Variants in PDE4B observed in about 807,000 individuals in gnomAD.
The protein encoded by PDE4B is 3',5'-cyclic-AMP phosphodiesterase 4B.
Under a neutral mutation model 82.2 loss-of-function variants are expected in PDE4B, and 20 were observed. The ratio of observed to expected loss-of-function variants is 0.24; its 90% confidence interval spans 0.17 to 0.35. The LOEUF is 0.35. PDE4B is among the 10% of genes least tolerant of loss of function. PDE4B has a pLI of 1.00. For synonymous variants in PDE4B, 320 were observed against 318.9 expected (o/e 1.00, Z -0.04); for missense variants, 655 against 907.2 (o/e 0.72, Z 3.57).
chr1:65,877,337 C>T (rs143006287), intron 1 of PDE4B, among the ~76,000 whole-genome samples: 1,855 of 152,070 alleles, frequency 0.012, 37 homozygotes, highest in African/African-American at 0.039. Context: ...TGCTGGGGGC[C>T]GGGTGCAGTG....
chr1:66,368,374 C>T (rs999230492), intron 15 of PDE4B, among the ~76,000 whole-genome samples: 2 of 152,208 alleles, frequency 1.3e-5, no homozygotes, highest in African/African-American at 4.8e-5. Context: ...ATCCCATTGA[C>T]TTGAAGTTTG....
In PDE4B at chr1:66,029,011, C is replaced by T. The variant is rs534488505; in HGVS notation, c.281+110176C>T. ...ACATTTTCAGATATCTTTTCAGCAACGCCCCACTCTACTGGTACCAATTTA... is the reference window on the plus strand; with the variant it reads ...ACATTTTCAGATATCTTTTCAGCAATGCCCCACTCTACTGGTACCAATTTA... On this transcript the variant is annotated intron_variant, in intron 3 of 16. Coordinates refer to ENST00000341517, the MANE Select transcript of PDE4B (RefSeq NM_002600.4). 1.9e-4 allele frequency among the ~76,000 whole-genome samples: 29 copies of T among 152,288 alleles called. No individual in the cohort carries two copies. In the South Asian group the frequency reaches 4.8e-3, roughly 25 times the overall value.
chr1:65,985,787 T>C (rs1650926995), intron 3 of PDE4B, among the ~76,000 whole-genome samples: 1 of 152,174 alleles, frequency 6.6e-6, no homozygotes, highest in Non-Finnish European at 1.5e-5. Flanking sequence ...CTTCTCAGAA[T>C]GTGCCTTGTG....
intron 1 of PDE4B, among the ~76,000 whole-genome samples, chr1:65,912,570 G>T (rs1264751452): frequency 6.6e-6 from 1 of 152,166 alleles, no homozygotes. Flanking sequence ...AAAATAGCTA[G>T]ATTTGTGTGA....
intron 3 of PDE4B, among the ~76,000 whole-genome samples, chr1:66,009,292 C>T (rs1393386810): frequency 6.6e-6 from 1 of 152,210 alleles, no homozygotes; most frequent in Non-Finnish European, 1.5e-5. Context: ...CACCACTTCT[C>T]ATCACCAGCT....
intron 4 of PDE4B, among the ~76,000 whole-genome samples, chr1:66,256,196 C>T (rs961949892): frequency 2.0e-5 from 3 of 151,966 alleles, no homozygotes; most frequent in African/African-American, 7.3e-5. Context: ...AAAATAATGA[C>T]AACAACAGCA....
intron 9 of PDE4B, among the ~76,000 whole-genome samples, chr1:66,359,479 A>T (rs1381484258): frequency 6.6e-6 from 1 of 152,242 alleles, no homozygotes; most frequent in Admixed American, 6.5e-5. Context: ...GAAACCTATT[A>T]GTTGTTCCAA....
At chr1:65,815,087 T>C (rs1309750523) in intron 1 of PDE4B, among the ~76,000 whole-genome samples, 1 of 151,086 alleles carries the variant, frequency 6.6e-6, no homozygotes, top group African/African-American at 2.4e-5. Context: ...CTTTAAGTTT[T>C]ACGGTACACG....
intron 8 of PDE4B, among the ~76,000 whole-genome samples, chr1:66,334,076 T>C (rs1660327740): frequency 6.6e-6 from 1 of 152,164 alleles, no homozygotes; most frequent in Admixed American, 6.5e-5. Flanking sequence ...TCACAAGGCT[T>C]GAGCCTACTT....
intron 3 of PDE4B, among the ~76,000 whole-genome samples, chr1:66,163,377 A>C (rs1646656645): frequency 6.6e-6 from 1 of 152,236 alleles, no homozygotes; most frequent in Admixed American, 6.5e-5. Flanking sequence ...GATGGGGATT[A>C]AATGCAATGA....
chr1:66,038,400 T>C (rs1009563144), intron 3 of PDE4B, among the ~76,000 whole-genome samples: 5 of 152,072 alleles, frequency 3.3e-5, no homozygotes, highest in African/African-American at 1.2e-4. Flanking sequence ...GAGTGTAGAA[T>C]CAGAGATTTC....
At chr1:66,242,984 A>C (rs1653001961) in intron 3 of PDE4B, among the ~76,000 whole-genome samples, 1 of 152,220 alleles carries the variant, frequency 6.6e-6, no homozygotes, top group Non-Finnish European at 1.5e-5. Context: ...ATATTGAAAA[A>C]TGAAGAGATG....
intron 3 of PDE4B, among the ~76,000 whole-genome samples, chr1:65,941,795 A>G (rs920724271): frequency 2.0e-5 from 3 of 152,056 alleles, no homozygotes; most frequent in Non-Finnish European, 4.4e-5. Context: ...GCAAAAATAT[A>G]GTATGTTGGT....
At chr1:66,238,819 G>A (rs1652664299) in intron 3 of PDE4B, among the ~76,000 whole-genome samples, 1 of 152,154 alleles carries the variant, frequency 6.6e-6, no homozygotes, top group Non-Finnish European at 1.5e-5. Flanking sequence ...GCCAAGTCTT[G>A]AAGAATTAAA....
intron 3 of PDE4B, among the ~76,000 whole-genome samples, chr1:66,017,283 T>C (rs1185201959): frequency 6.6e-6 from 1 of 152,202 alleles, no homozygotes; most frequent in Non-Finnish European, 1.5e-5. Flanking sequence ...TCAATTTATA[T>C]ATCAATTAAT....
chr1:66,018,501 T>G (rs911916733), intron 3 of PDE4B, among the ~76,000 whole-genome samples: 1 of 152,146 alleles, frequency 6.6e-6, no homozygotes, highest in African/African-American at 2.4e-5. Context: ...TGAATAAATT[T>G]TAAGATTAAG....
chr1:66,015,037 GT>G (rs780300092), intron 3 of PDE4B, among the ~76,000 whole-genome samples: 4 of 152,082 alleles, frequency 2.6e-5, no homozygotes, highest in African/African-American at 9.7e-5. Context: ...TTGGTAGTTG[GT>G]TTTTTAAAGA....
chr1:66,323,562 T>G (rs957857702), intron 7 of PDE4B, among the ~76,000 whole-genome samples: 22 of 152,198 alleles, frequency 1.4e-4, no homozygotes, highest in African/African-American at 5.3e-4. Context: ...AAAATTTTAC[T>G]CATTAATTAT....
rs1048878311 is a variant in PDE4B, at chr1:66,018,012, G to A, written c.281+99177G>A. ...GGCTATATTTTATATAGCTCTGCAC[G>A]GATCATAGAGTTTTAGAGGTAGAAG... is the stretch of plus-strand genomic sequence containing the variant. On this transcript the variant is annotated intron_variant, in intron 3 of 16. Coordinates refer to ENST00000341517, the MANE Select transcript of PDE4B (RefSeq NM_002600.4). 5.9e-5 allele frequency among the ~76,000 whole-genome samples: 9 copies of A among 152,014 alleles called. No individual in the cohort carries two copies. The East Asian group carries it at 7.7e-4, about 13-fold the overall frequency.
Sources: allele counts gnomAD v4.1 joint callset (sites outside exome capture counted in the v4.1 genomes callset), GRCh38; gene constraint gnomAD v4.1.1; transcripts MANE v1.5; gene names NCBI Gene and HGNC (gene_info 2026-07-23, HGNC 2026-07-21).